AGTPBP1: variants seen among roughly 807,000 people sequenced by gnomAD.
AGTPBP1 encodes cytosolic carboxypeptidase 1.
AGTPBP1 carries 70 observed loss-of-function variants against 143.9 expected under a neutral mutation model. The observed-to-expected ratio is 0.49, with a 90% CI of 0.40 to 0.59. The LOEUF is 0.59. Among genes scored for constraint, AGTPBP1 ranks in the 20% least tolerant of loss-of-function variants. The pLI, the probability that AGTPBP1 is intolerant of heterozygous loss-of-function variation, is 0.00. For synonymous variants in AGTPBP1, 463 were observed against 500.2 expected (o/e 0.93, Z 0.99); for missense variants, 1,229 against 1,464.5 (o/e 0.84, Z 2.62).
At chr9:85,656,624 T>C (rs1833528091) in intron 10 of AGTPBP1, among the ~76,000 whole-genome samples, 1 of 146,772 alleles carries the variant, frequency 6.8e-6, no homozygotes, top group South Asian at 2.2e-4. Flanking sequence ...AGAGAGGGGG[T>C]TGCATTGCAA....
At chr9:85,711,588 T>C (rs62570592) in intron 2 of AGTPBP1, among the ~76,000 whole-genome samples, 2,248 of 151,854 alleles carry the variant, frequency 0.015, 25 homozygotes, top group Middle Eastern at 0.038. Context: ...TACAGGCGCC[T>C]ACCACCACAC....
chr9:85,765,586 C>CAAAATTAATTTTTGAA, the AGTPBP1 span, among the ~76,000 whole-genome samples: 1 of 151,662 alleles, frequency 6.6e-6, no homozygotes, highest in African/African-American at 2.4e-5. Flanking sequence ...TGTCTTTTTT[C>CAAAATTAATTTTTGAA]AAAATTTTCA....
At chr9:85,779,230 GATATAGATATAGATATCT>G in the AGTPBP1 span, among the ~76,000 whole-genome samples, 2 of 86,324 alleles carry the variant, frequency 2.3e-5, no homozygotes, top group African/African-American at 4.1e-5. Context: ...TATAGATATA[GATATAGATATAGATATCT>G]ATATAAATAT....
At chr9:85,629,784 T>G (rs928739699) in intron 14 of AGTPBP1, among the ~76,000 whole-genome samples, 1 of 152,182 alleles carries the variant, frequency 6.6e-6, no homozygotes, top group Non-Finnish European at 1.5e-5. Context: ...TTGGGAGGGA[T>G]GTATGTCCCT....
At chr9:85,570,396 T>C (rs1827384375) in intron 25 of AGTPBP1, among the ~76,000 whole-genome samples, 1 of 152,242 alleles carries the variant, frequency 6.6e-6, no homozygotes, top group African/African-American at 2.4e-5. Context: ...TAACTTTGTT[T>C]CCTTCACGTT....
chr9:85,753,818 T>C, the AGTPBP1 span, among the ~76,000 whole-genome samples: 5 of 152,090 alleles, frequency 3.3e-5, no homozygotes, highest in East Asian at 5.8e-4. Context: ...GTAAAAACTG[T>C]TGGACTCTGA....
Position 85,616,544 on chromosome 9 carries a change from T to C in AGTPBP1, c.2335+2439A>G, listed in dbSNP as rs139653235. On this transcript the variant is annotated intron_variant, in intron 17 of 25. Transcript: ENST00000357081. ...AGTTAGTAAAAATGCAATCTACTTGTAGCACTTCTGAAAATTATATTGACT... is the reference window on the plus strand; with the variant it reads ...AGTTAGTAAAAATGCAATCTACTTGCAGCACTTCTGAAAATTATATTGACT... 1.2e-4 allele frequency among the ~76,000 whole-genome samples: 19 copies of C among 152,082 alleles called. No individual in the cohort carries two copies. In the East Asian group the frequency reaches 2.7e-3, roughly 22 times the overall value.
At position 85,618,914 on chromosome 9, in the gene AGTPBP1, T is replaced by A. The variant is rs546304906; in HGVS notation, c.2335+69A>T. The A allele has an allele frequency of 2.4e-5, 35 of 1,481,888 alleles. No individual in the cohort carries two copies. In the East Asian group the frequency reaches 3.6e-4, roughly 15 times the overall value. 91.8% of individuals were successfully genotyped at this position (1,481,888 alleles called of 1,614,324 possible). Reference sequence around the variant, plus strand: ...ATTTTTTAAAAGTTGACAATTTTTTTAAAAAAACTTCTTTTCCACAGTTAA... The same window carrying A: ...ATTTTTTAAAAGTTGACAATTTTTTAAAAAAAACTTCTTTTCCACAGTTAA... On this transcript the variant is annotated intron_variant, in intron 17 of 25. Coordinates refer to ENST00000357081, the MANE Select transcript of AGTPBP1 (RefSeq NM_001330701.2).
At chr9:85,582,635 G>A (rs779516786) in intron 23 of AGTPBP1, among the ~76,000 whole-genome samples, 7 of 151,806 alleles carry the variant, frequency 4.6e-5, no homozygotes, top group Non-Finnish European at 7.4e-5. Context: ...AGCCGAGATC[G>A]TGCCACTACA....
intron 11 of AGTPBP1, among the ~76,000 whole-genome samples, chr9:85,653,912 T>C (rs947072381): frequency 2.0e-5 from 3 of 152,234 alleles, no homozygotes; most frequent in Admixed American, 2.0e-4. Flanking sequence ...TTTACTTAGC[T>C]TTCTTACTCA....
rs1230162055 is a variant in AGTPBP1 at position 85,672,723 on chromosome 9, T to C, written c.437-42A>G. ...AAGACAATTTATGCACATACAACTTTTCTTTTTAATTTTTTTTTTTTTTTT... is the reference window on the plus strand; with the variant it reads ...AAGACAATTTATGCACATACAACTTCTCTTTTTAATTTTTTTTTTTTTTTT... On this transcript the variant is annotated intron_variant, in intron 6 of 25. Coordinates refer to ENST00000357081, the MANE Select transcript of AGTPBP1 (RefSeq NM_001330701.2). 3 of 1,478,606 alleles carry C rather than the reference T, an allele frequency of 2.0e-6. No homozygotes were observed. In the Admixed American group the frequency reaches 6.7e-5, roughly 33 times the overall value. The allele number at this position is 1,478,606 out of a possible 1,614,324, so 91.6% of individuals were successfully genotyped here.
At chr9:85,794,213 C>A in the AGTPBP1 span, among the ~76,000 whole-genome samples, 1 of 152,126 alleles carries the variant, frequency 6.6e-6, no homozygotes, top group African/African-American at 2.4e-5. Context: ...CCAAAAGAAG[C>A]AAGTATCATA....
At chr9:85,748,522 T>A in the AGTPBP1 span, among the ~76,000 whole-genome samples, 1 of 152,126 alleles carries the variant, frequency 6.6e-6, no homozygotes, top group African/African-American at 2.4e-5. Context: ...TATAGATGAA[T>A]TAATGATCTT....
At chr9:85,728,073 A>G (rs2134702283) in intron 1 of AGTPBP1, among the ~76,000 whole-genome samples, 1 of 149,918 alleles carries the variant, frequency 6.7e-6, no homozygotes, top group Non-Finnish European at 1.5e-5. Flanking sequence ...ACACACACAC[A>G]CACATATTTA....
the AGTPBP1 span, among the ~76,000 whole-genome samples, chr9:85,772,866 C>A: frequency 8.3e-3 from 1,270 of 152,248 alleles, 19 homozygotes; most frequent in African/African-American, 0.029. Context: ...CTCTCACTAT[C>A]CACTTAGACT....
chr9:85,648,584 G>A (rs1425660783), intron 11 of AGTPBP1, among the ~76,000 whole-genome samples: 4 of 152,276 alleles, frequency 2.6e-5, no homozygotes, highest in Non-Finnish European at 4.4e-5. Context: ...AGGCCGAGAC[G>A]GGCGGATCAC....
intron 4 of AGTPBP1, among the ~76,000 whole-genome samples, chr9:85,681,034 C>T (rs1354534906): frequency 6.6e-6 from 1 of 152,058 alleles, no homozygotes; most frequent in African/African-American, 2.4e-5. Flanking sequence ...CAATAGTCAC[C>T]TAATACATAT....
intron 25 of AGTPBP1, among the ~76,000 whole-genome samples, chr9:85,549,909 A>C (rs1446120979): frequency 1.3e-5 from 2 of 152,166 alleles, no homozygotes; most frequent in East Asian, 3.8e-4. Flanking sequence ...CATTCTAGTA[A>C]GAGTATGGAG....
At chr9:85,561,380 C>A in intron 25 of AGTPBP1, among the ~76,000 whole-genome samples, 1 of 147,290 alleles carries the variant, frequency 6.8e-6, no homozygotes, top group African/African-American at 2.5e-5. Context: ...GAGTGAGGCT[C>A]CATCTCAAAA....
Sources: allele counts gnomAD v4.1 joint callset (sites outside exome capture counted in the v4.1 genomes callset), GRCh38; gene constraint gnomAD v4.1.1; transcripts MANE v1.5; gene names NCBI Gene and HGNC (gene_info 2026-07-23, HGNC 2026-07-21).